ATP2C1: variants seen among roughly 807,000 people sequenced by gnomAD.
ATP2C1 encodes the protein calcium-transporting ATPase type 2C member 1.
In ATP2C1, 31 loss-of-function variants were observed where a neutral mutation model predicts 120.5. The observed-to-expected ratio is 0.26, with a 90% confidence interval of 0.19 to 0.35. ATP2C1 has a LOEUF of 0.35. Ranked by LOEUF, ATP2C1 falls within the 10% of genes least tolerant of loss-of-function variation. The pLI is 1.00. For synonymous variants in ATP2C1, 351 were observed against 358.7 expected, an observed-to-expected ratio of 0.98 and a Z score of 0.24; for missense variants, 731 against 1,107.5, an observed-to-expected ratio of 0.66 and a Z score of 4.83.
In ATP2C1 at chr3:130,998,238, G is replaced by C; in HGVS notation, c.2392-56G>C. 5 of 1,142,060 alleles carry C rather than the reference G, an allele frequency of 4.4e-6. 1 individual carries two copies. In the South Asian group the frequency reaches 6.1e-5, roughly 14 times the overall value. 70.7% of individuals were successfully genotyped at this position (1,142,060 alleles called of 1,614,324 possible). ...ATGTTTATATTTTTTAAAAAGCAGC[G>C]ATTTATCCATTAAATTCAGCCACTG... is the stretch of plus-strand genomic sequence containing the variant. On this transcript the variant is annotated intron_variant, in intron 25 of 27. Coordinates refer to ENST00000510168, the MANE Select transcript of ATP2C1 (RefSeq NM_001378687.1).
At chr3:130,934,915 C>T (rs1403186776) in intron 5 of ATP2C1, among the ~76,000 whole-genome samples, 1 of 152,048 alleles carries the variant, frequency 6.6e-6, no homozygotes, top group East Asian at 1.9e-4. Flanking sequence ...CTCACTGCAG[C>T]CCCGAACTCC....
At chr3:130,977,769 T>C (rs1169820820) in intron 18 of ATP2C1, among the ~76,000 whole-genome samples, 1 of 152,146 alleles carries the variant, frequency 6.6e-6, no homozygotes. Context: ...TTTTCTTCTT[T>C]ATCTACCCTT....
chr3:130,941,251 T>G (rs1042345713), intron 7 of ATP2C1, among the ~76,000 whole-genome samples: 2 of 149,744 alleles, frequency 1.3e-5, no homozygotes, highest in African/African-American at 2.5e-5. Context: ...TGTGTGTGTG[T>G]GTGTGTGTGT....
In ATP2C1 at chr3:131,002,925, A is replaced by G; in HGVS notation, c.*1575A>G. On this transcript the variant is annotated 3_prime_UTR_variant, in exon 28 of 28. Coordinates refer to ENST00000510168, the MANE Select transcript of ATP2C1 (RefSeq NM_001378687.1). ...ACATTGTTCCATGTCGTTAGATGGA[A>G]CATGGAAGCCATTGTCTAATCAACT... The G allele has an allele frequency of 1.0e-6, 1 of 985,824 alleles. No individual in the cohort carries two copies. 61.1% of individuals were successfully genotyped at this position (985,824 alleles called of 1,614,324 possible). A position where few individuals can be genotyped will look rare whatever the true frequency, so the allele number is the denominator to read the frequency against.
intron 20 of ATP2C1, among the ~76,000 whole-genome samples, chr3:130,983,597 G>C (rs925318355): frequency 2.0e-5 from 3 of 152,270 alleles, no homozygotes; most frequent in Non-Finnish European, 4.4e-5. Context: ...ACGGAGTCTC[G>C]CTCCACCATT....
At chr3:130,904,926 T>C (rs1316272777) in intron 2 of ATP2C1, among the ~76,000 whole-genome samples, 1 of 152,096 alleles carries the variant, frequency 6.6e-6, no homozygotes. Flanking sequence ...ATCCAGTAAT[T>C]GTTGCTCAAG....
intron 19 of ATP2C1, among the ~76,000 whole-genome samples, chr3:130,980,172 T>C (rs1253525727): frequency 6.6e-6 from 1 of 152,208 alleles, no homozygotes; most frequent in East Asian, 1.9e-4. Context: ...TGATCTTCGT[T>C]ACATTTCAGC....
At chr3:130,950,108 G>C (rs2060307954) in intron 8 of ATP2C1, among the ~76,000 whole-genome samples, 1 of 152,036 alleles carries the variant, frequency 6.6e-6, no homozygotes, top group South Asian at 2.1e-4. Flanking sequence ...ACTGGCATTT[G>C]ATTTCTTTCT....
intron 1 of ATP2C1, among the ~76,000 whole-genome samples, chr3:130,882,527 C>G (rs1372863695): frequency 6.6e-6 from 1 of 152,032 alleles, no homozygotes; most frequent in Non-Finnish European, 1.5e-5. Context: ...GAGATATGTT[C>G]CTTCTCTACC....
intron 1 of ATP2C1, among the ~76,000 whole-genome samples, chr3:130,864,550 C>T (rs1207557612): frequency 6.6e-6 from 1 of 152,216 alleles, no homozygotes; most frequent in Admixed American, 6.5e-5. Context: ...ATTTCAGAGA[C>T]CTTCACAGCA....
At chr3:130,856,178 A>G (rs1439748079) in intron 1 of ATP2C1, 1 of 152,186 alleles carries the variant, frequency 6.6e-6, no homozygotes, top group East Asian at 1.9e-4. Flanking sequence ...GGCTTAAGAA[A>G]ATGTTTCTAG....
chr3:130,900,710 T>C (rs1353375374), intron 2 of ATP2C1, among the ~76,000 whole-genome samples: 1 of 152,214 alleles, frequency 6.6e-6, no homozygotes, highest in Non-Finnish European at 1.5e-5. Flanking sequence ...AGAGCATTAG[T>C]ACATTAGTAC....
rs374743521 is a variant in ATP2C1, at chr3:130,997,412, CAAAT to C, written c.2244-190_2244-187del. ...CTATCCCCTATCAAATTGTGCCAAA[CAAAT>C]AAAGAGGAGAGAAAAAGTGACAAAA... On this transcript the variant is annotated intron_variant, in intron 24 of 27. Transcript: ENST00000510168. Among the ~76,000 whole-genome samples the C allele has an allele frequency of 5.1e-4, 78 of 152,082 alleles. 1 individual carries two copies. The highest frequency in any genetic ancestry group is 1.1e-3 in the African/African-American group (44 of 41,494).
intron 1 of ATP2C1, among the ~76,000 whole-genome samples, chr3:130,887,227 A>G (rs1395075666): frequency 6.6e-6 from 1 of 152,170 alleles, no homozygotes; most frequent in Non-Finnish European, 1.5e-5. Flanking sequence ...AGGTAGAGTG[A>G]CATACTACCC....
intron 26 of ATP2C1, among the ~76,000 whole-genome samples, chr3:131,010,907 G>A (rs978911560): frequency 2.0e-5 from 3 of 152,188 alleles, no homozygotes; most frequent in East Asian, 3.8e-4. Flanking sequence ...GGCTTTTCAT[G>A]TGCGGATATA....
intron 2 of ATP2C1, among the ~76,000 whole-genome samples, chr3:130,916,165 G>A (rs947069349): frequency 6.6e-6 from 1 of 151,996 alleles, no homozygotes; most frequent in African/African-American, 2.4e-5. Flanking sequence ...TAGCACTTTG[G>A]GAGGCTGAGG....
intron 10 of ATP2C1, 68 bp from the exon 11 acceptor site, chr3:130,956,036 C>G: frequency 9.5e-7 from 1 of 1,057,222 alleles, no homozygotes; most frequent in Non-Finnish European, 1.5e-6. Flanking sequence ...ACTTAGCAAG[C>G]CCCTGGCACT....
chr3:130,995,766 G>A (rs922719349), intron 22 of ATP2C1, among the ~76,000 whole-genome samples: 1 of 151,974 alleles, frequency 6.6e-6, no homozygotes, highest in Non-Finnish European at 1.5e-5. Flanking sequence ...TCAGCCTCCC[G>A]AGTAGCTGGG....
chr3:130,918,385 A>G, intron 2 of ATP2C1: 5 of 1,398,286 alleles, frequency 3.6e-6, no homozygotes, highest in South Asian at 3.5e-5. Context: ...TTTTTGTTCC[A>G]GGGCTTTCCA....
Sources: gnomAD v4.1 joint callset for allele counts (sites outside exome capture counted in the v4.1 genomes callset) on GRCh38, gnomAD v4.1.1 for gene constraint, MANE v1.5 for transcripts, NCBI Gene and HGNC (gene_info 2026-07-23, HGNC 2026-07-21) for gene names.